Variants in ITGB8 observed in about 807,000 individuals in gnomAD.
The protein encoded by ITGB8 is integrin subunit beta 8.
A neutral mutation model predicts 89.5 loss-of-function variants in ITGB8; 30 were observed. The observed-to-expected ratio is 0.34, with a 90% CI of 0.25 to 0.45. The LOEUF is 0.45. Among genes scored for constraint, ITGB8 ranks in the 20% least tolerant of loss-of-function variants. ITGB8 has a pLI of 1.00. For synonymous variants in ITGB8, 335 were observed against 320.4 expected (o/e 1.05, Z -0.49); for missense variants, 836 against 933.3 (o/e 0.90, Z 1.36).
chr7:20,334,973 A>T (rs1179182796), intron 1 of ITGB8, among the ~76,000 whole-genome samples: 1 of 152,216 alleles, frequency 6.6e-6, no homozygotes, highest in Non-Finnish European at 1.5e-5. Flanking sequence ...TTTCAAATGC[A>T]TACAGAATTA....
chr7:20,362,690 G>A (rs1350637987), intron 1 of ITGB8, among the ~76,000 whole-genome samples: 1 of 152,062 alleles, frequency 6.6e-6, no homozygotes, highest in African/African-American at 2.4e-5. Flanking sequence ...TGAGTGAGAT[G>A]GACAGATCAC....
At chr7:20,382,702 C>G (rs574035921) in intron 6 of ITGB8, among the ~76,000 whole-genome samples, 2 of 152,194 alleles carry the variant, frequency 1.3e-5, no homozygotes, top group Admixed American at 1.3e-4. Context: ...TGGTTAAGTC[C>G]AAATAACTCA....
chr7:20,401,501 GTTA>G (rs946440638), intron 9 of ITGB8, among the ~76,000 whole-genome samples: 2 of 152,178 alleles, frequency 1.3e-5, no homozygotes, highest in African/African-American at 2.4e-5. Flanking sequence ...GGGATTAGTA[GTTA>G]TTATATTCTT....
At position 20,381,103 on chromosome 7, in the gene ITGB8, C is replaced by T. The variant is rs116342934; in HGVS notation, c.801+272C>T. On this transcript the variant is annotated intron_variant, in intron 5 of 13. Coordinates refer to ENST00000222573, the MANE Select transcript of ITGB8 (RefSeq NM_002214.3). ...TTCCAAAAGGGCTGCTTTTCTCATG[C>T]GCCACACTCCAAGGAGGAACTAGAA... 206 of 293,982 alleles carry T rather than the reference C, an allele frequency of 7.0e-4. 2 individuals are homozygous for T. The highest frequency in any genetic ancestry group is 3.5e-3 in the African/African-American group (158 of 45,210). The allele number at this position is 293,982 out of a possible 1,614,324, so 18.2% of individuals were successfully genotyped here.
At chr7:20,378,824 C>T (rs1562681345) in intron 3 of ITGB8, among the ~76,000 whole-genome samples, 1 of 152,014 alleles carries the variant, frequency 6.6e-6, no homozygotes, top group Non-Finnish European at 1.5e-5. Context: ...GGGAAATGAA[C>T]TGTAGGATTT....
intron 1 of ITGB8, among the ~76,000 whole-genome samples, chr7:20,337,628 TTAAC>T (rs1344550213): frequency 6.6e-6 from 1 of 152,230 alleles, no homozygotes; most frequent in Admixed American, 6.5e-5. Flanking sequence ...TCCAGATCTC[TTAAC>T]TAATAAATAA....
In ITGB8 at chr7:20,401,861, C is replaced by G; in HGVS notation, c.1422C>G (p.Asn474Lys). ...HRNCSCQCED[N>K]RGPKGKCVDE... is the part of the protein sequence containing the mutation. ...ACTGCAGCTGTCAGTGTGAGGACAA[C>G]AGAGGACCTAAAGGAAAGTGTGTAG... The change falls in exon 10 of 14, where the codon AAC becomes AAG. Residue 474 changes from asparagine (N) to lysine (K), a missense_variant. By Grantham distance (94) the Asn-to-Lys change is moderately conservative. Transcript: ENST00000222573. 6.2e-7 allele frequency: 1 copy of G among 1,614,094 alleles called. No homozygotes were observed. The highest frequency in any genetic ancestry group is 8.5e-7 in the Non-Finnish European group (1 of 1,180,002).
chr7:20,398,737 A>G, intron 8 of ITGB8, 123 bp from the exon 9 acceptor site: 1 of 588,966 alleles, frequency 1.7e-6, no homozygotes, highest in Non-Finnish European at 2.7e-6. Flanking sequence ...TCATCCTTTT[A>G]TAGAAACAGA....
chr7:20,360,171 G>T (rs192860357), intron 1 of ITGB8, among the ~76,000 whole-genome samples: 1 of 152,166 alleles, frequency 6.6e-6, no homozygotes, highest in African/African-American at 2.4e-5. Context: ...AGAATACAAA[G>T]AAAACAGATT....
At chr7:20,405,039 G>A (rs576601442) in intron 11 of ITGB8, among the ~76,000 whole-genome samples, 186 bp downstream of exon 11, 87 of 152,288 alleles carry the variant, frequency 5.7e-4, no homozygotes, top group Non-Finnish European at 9.6e-4. Context: ...AGCTGTGGAA[G>A]CATCAGAGTA....
chr7:20,365,601 A>G (rs764349340), intron 2 of ITGB8: 2 of 152,218 alleles, frequency 1.3e-5, no homozygotes, highest in Non-Finnish European at 2.9e-5. Context: ...ATTTAGGACT[A>G]TATATAGAAC....
At chr7:20,375,931 C>T (rs1042095176) in intron 3 of ITGB8, among the ~76,000 whole-genome samples, 1 of 152,004 alleles carries the variant, frequency 6.6e-6, no homozygotes, top group Admixed American at 6.6e-5. Context: ...TAATAAAATT[C>T]TTTAGGTAAA....
At chr7:20,335,645 G>T (rs1784549444) in intron 1 of ITGB8, among the ~76,000 whole-genome samples, 1 of 152,114 alleles carries the variant, frequency 6.6e-6, no homozygotes, top group South Asian at 2.1e-4. Flanking sequence ...TGAAAGAGTT[G>T]TCCGTAACTC....
intron 6 of ITGB8, among the ~76,000 whole-genome samples, chr7:20,390,895 T>A (rs1786827206): frequency 2.0e-5 from 3 of 152,074 alleles, no homozygotes; most frequent in African/African-American, 7.2e-5. Context: ...ATGTTATATA[T>A]ATATGTTATA....
chr7:20,349,759 C>G (rs540644245), intron 1 of ITGB8, among the ~76,000 whole-genome samples: 2 of 152,288 alleles, frequency 1.3e-5, no homozygotes, highest in South Asian at 4.1e-4. Flanking sequence ...TAATGTTTTG[C>G]TATACACTGG....
rs1785588253 is a variant in ITGB8, at chr7:20,363,699, G to C, written c.190G>C (p.Glu64Gln). ...SCARCLALGP[E>Q]CGWCVQEDFI... ...TGCCAGGTGCCTTGCGCTGGGTCCA[G>C]AATGTGGATGGTGTGTTCAAGAGGT... The change falls in exon 2 of 14, where the codon GAA becomes CAA. Residue 64 changes from glutamate to glutamine, a missense_variant. Around this residue, in one of 5 missense-constraint regions of ITGB8, gnomAD observed 182 missense variants for 177.0 expected, o/e 1.03. Transcript: ENST00000222573. 6.2e-7 allele frequency: 1 copy of C among 1,603,460 alleles called. No individual in the cohort carries two copies.
intron 3 of ITGB8, among the ~76,000 whole-genome samples, chr7:20,372,457 G>A (rs1253401532): frequency 3.9e-5 from 6 of 152,150 alleles, no homozygotes; most frequent in Admixed American, 3.9e-4. Flanking sequence ...CCAGGATCTG[G>A]CAAGCAACTT....
At chr7:20,342,268 T>C (rs960467682) in intron 1 of ITGB8, among the ~76,000 whole-genome samples, 3 of 152,180 alleles carry the variant, frequency 2.0e-5, no homozygotes, top group African/African-American at 7.2e-5. Context: ...AGGATCTTTG[T>C]TAGGGCTCTG....
In ITGB8 at chr7:20,348,289, A is replaced by G. The variant is rs142470727; in HGVS notation, c.128-15348A>G. 6.8e-4 allele frequency among the ~76,000 whole-genome samples: 103 copies of G among 152,280 alleles called. No individual in the cohort carries two copies. In the Middle Eastern group the frequency reaches 0.014, roughly 20 times the overall value. On this transcript the variant is annotated intron_variant, in intron 1 of 13. Coordinates refer to ENST00000222573, the MANE Select transcript of ITGB8 (RefSeq NM_002214.3). The stretch of plus-strand genomic sequence containing the variant: ...TAGATGAGGTGAGAAAGAAATTTGG[A>G]GGGAACCCAATTCTTAATAGGTTTC...
Sources: allele counts gnomAD v4.1 joint callset (sites outside exome capture counted in the v4.1 genomes callset), GRCh38; gene constraint gnomAD v4.1.1; regional missense constraint gnomAD v4.1.1; transcripts MANE v1.5; gene names NCBI Gene and HGNC (gene_info 2026-07-23, HGNC 2026-07-21).